RB1: variants seen among roughly 807,000 people sequenced by gnomAD.
RB1 encodes retinoblastoma-associated protein.
In RB1, 18 loss-of-function variants were observed where a neutral mutation model predicts 135.4. The observed-to-expected ratio is 0.13, with a 90% CI of 0.09 to 0.20. The LOEUF is 0.20. Among genes scored for constraint, RB1 ranks in the 10% least tolerant of loss-of-function variants. The pLI, the probability that RB1 is intolerant of heterozygous loss-of-function variation, is 1.00. For synonymous variants in RB1, 365 were observed against 373.2 expected, an observed-to-expected ratio of 0.98 and a Z score of 0.25; for missense variants, 868 against 1,110.0, an observed-to-expected ratio of 0.78 and a Z score of 3.10.
chr13:48,317,693 C>T, intron 2 of RB1: 1 of 552,650 alleles, frequency 1.8e-6, no homozygotes, highest in Non-Finnish European at 2.7e-6. Flanking sequence ...GCCGGATCCC[C>T]TTGGGCGGGA....
At chr13:48,380,267 A>C (rs1193799722) in intron 16 of RB1, 26 bp downstream of exon 16, 1 of 1,498,584 alleles carries the variant, frequency 6.7e-7, no homozygotes, top group Non-Finnish European at 9.3e-7. Context: ...ATAAATAAAC[A>C]CTTTTGTTCA....
intron 19 of RB1, among the ~76,000 whole-genome samples, chr13:48,457,215 A>C (rs542262401): frequency 8.1e-4 from 124 of 152,270 alleles, no homozygotes; most frequent in African/African-American, 2.4e-3. Flanking sequence ...AGTCCCGATG[A>C]GTGTTCAGCT....
chr13:48,336,754 G>T (rs1952389231), intron 2 of RB1, among the ~76,000 whole-genome samples: 1 of 120,458 alleles, frequency 8.3e-6, no homozygotes, highest in Non-Finnish European at 1.8e-5. Flanking sequence ...CTCTTCTCTA[G>T]TTCTTTTAAT....
chr13:48,312,052 T>G (rs1026070902), intron 2 of RB1, among the ~76,000 whole-genome samples: 3 of 152,210 alleles, frequency 2.0e-5, no homozygotes, highest in African/African-American at 7.2e-5. Flanking sequence ...AGTTTAGAAT[T>G]TTTATGCCTT....
intron 2 of RB1, among the ~76,000 whole-genome samples, chr13:48,310,082 T>C (rs1037744119): frequency 6.6e-6 from 1 of 152,150 alleles, no homozygotes; most frequent in Non-Finnish European, 1.5e-5. Context: ...TGATGGAAGA[T>C]GATGTCCTGT....
intron 17 of RB1, among the ~76,000 whole-genome samples, chr13:48,430,226 A>T (rs960362819): frequency 6.6e-6 from 1 of 152,182 alleles, no homozygotes; most frequent in Non-Finnish European, 1.5e-5. Flanking sequence ...GGGGAATTTA[A>T]TGTATGATAA....
chr13:48,448,451 G>T (rs190057068), intron 17 of RB1, among the ~76,000 whole-genome samples: 1 of 152,180 alleles, frequency 6.6e-6, no homozygotes, highest in African/African-American at 2.4e-5. Context: ...CCACCTTTAA[G>T]AATTATTTCT....
At chr13:48,390,586 T>TA (rs919297248) in intron 17 of RB1, among the ~76,000 whole-genome samples, 32 of 151,508 alleles carry the variant, frequency 2.1e-4, no homozygotes, top group African/African-American at 5.8e-4. Flanking sequence ...CTGGCTCACT[T>TA]AAAAAAAAAC....
At chr13:48,385,631 G>A (rs1382648743) in intron 17 of RB1, among the ~76,000 whole-genome samples, 2 of 152,018 alleles carry the variant, frequency 1.3e-5, no homozygotes, top group Admixed American at 6.6e-5. Context: ...CCAAGAAAGG[G>A]TACCCAGATT....
chr13:48,480,237 C>G lies in RB1; in HGVS notation c.*166C>G. The G allele has an allele frequency of 1.6e-6, 1 of 639,208 alleles. No individual in the cohort carries two copies. The highest frequency in any genetic ancestry group is 1.8e-5 in the South Asian group (1 of 54,880). 39.6% of individuals were successfully genotyped at this position (639,208 alleles called of 1,614,324 possible). On this transcript the variant is annotated 3_prime_UTR_variant, in exon 27 of 27. Coordinates refer to ENST00000267163, the MANE Select transcript of RB1 (RefSeq NM_000321.3). ...TGCAATTGTTTGGGTGATTCCTAAG[C>G]CACTTGAAATGTTAGTCATTGTTAT...
chr13:48,353,822 G>A (rs555011487), intron 6 of RB1, among the ~76,000 whole-genome samples: 1 of 152,130 alleles, frequency 6.6e-6, no homozygotes, highest in East Asian at 1.9e-4. Flanking sequence ...CATATCAACA[G>A]AATGAAGGAC....
chr13:48,378,062 C>T (rs907728356), intron 13 of RB1, among the ~76,000 whole-genome samples: 4 of 152,098 alleles, frequency 2.6e-5, no homozygotes, highest in Non-Finnish European at 4.4e-5. Context: ...GTCAGTGAGT[C>T]GAGTGGCAAG....
chr13:48,360,134 A>G lies in RB1; in HGVS notation c.718+7A>G, dbSNP rs774694773. The G allele has an allele frequency of 1.9e-6, 3 of 1,612,000 alleles. No homozygotes were observed. The highest frequency in any genetic ancestry group is 1.7e-6 in the Non-Finnish European group (2 of 1,178,958). On this transcript the variant is annotated splice_region_variant and intron_variant, in intron 7 of 26. Transcript: ENST00000267163. ...TTGCTCAAAGAACCATATAGTAAGT[A>G]TTTAATTTATGCCCCTTTTACTTTC...
At chr13:48,412,722 A>G in intron 17 of RB1, 1 of 440,060 alleles carries the variant, frequency 2.3e-6, no homozygotes, top group Non-Finnish European at 4.3e-6. Flanking sequence ...ACAGTCAACG[A>G]GTCCAACCCA....
intron 17 of RB1, among the ~76,000 whole-genome samples, chr13:48,433,167 T>C (rs886241334): frequency 1.3e-5 from 2 of 152,142 alleles, no homozygotes; most frequent in African/African-American, 2.4e-5. Context: ...CTCAGTATTA[T>C]GAAATATCTA....
At chr13:48,443,441 A>G (rs963453996) in intron 17 of RB1, among the ~76,000 whole-genome samples, 1 of 152,148 alleles carries the variant, frequency 6.6e-6, no homozygotes, top group African/African-American at 2.4e-5. Flanking sequence ...CTCAAAAAAT[A>G]TTTCTAATGT....
chr13:48,304,357 C>T (rs893659032), intron 1 of RB1, among the ~76,000 whole-genome samples: 5 of 152,058 alleles, frequency 3.3e-5, no homozygotes, highest in Admixed American at 6.6e-5. Flanking sequence ...TGCGAGCGTC[C>T]ATCAGACGCA....
chr13:48,455,701 G>A (rs1321210290), intron 18 of RB1, among the ~76,000 whole-genome samples: 5 of 152,188 alleles, frequency 3.3e-5, no homozygotes, highest in Admixed American at 3.3e-4. Context: ...GACATATTTA[G>A]TATGGTGTAA....
chr13:48,442,946 C>G (rs1055040660), intron 17 of RB1, among the ~76,000 whole-genome samples: 2 of 152,036 alleles, frequency 1.3e-5, no homozygotes, highest in Non-Finnish European at 2.9e-5. Flanking sequence ...TTTTTGAAAT[C>G]AGACCTAATC....
Sources: gnomAD v4.1 joint callset for allele counts (sites outside exome capture counted in the v4.1 genomes callset) on GRCh38, gnomAD v4.1.1 for gene constraint, MANE v1.5 for transcripts, NCBI Gene and HGNC (gene_info 2026-07-23, HGNC 2026-07-21) for gene names.